PSRC1: variants seen among roughly 807,000 people sequenced by gnomAD.
PSRC1 encodes the protein proline and serine rich coiled-coil 1.
In PSRC1, 30 loss-of-function variants were observed where a neutral mutation model predicts 31.9. The observed-to-expected ratio is 0.94, with a 90% CI of 0.70 to 1.28. The LOEUF is 1.28. Among genes scored for constraint, PSRC1 ranks in the 50% most tolerant of loss-of-function variants. The probability of loss-of-function intolerance (pLI) is 0.00; values close to 1 mark genes in which losing one functional copy is unlikely to be tolerated. For missense variants in PSRC1, 481 were observed against 472.8 expected, an observed-to-expected ratio of 1.02 and a Z score of -0.16; for synonymous variants, 191 against 192.1, an observed-to-expected ratio of 0.99 and a Z score of 0.05.
At chr1:109,280,135 C>G (rs758620142) in exon 7 of PSRC1, 1 of 1,614,116 alleles carries the variant, frequency 6.2e-7, no homozygotes, top group South Asian at 1.1e-5. Flanking sequence ...TGAAGTCTTG[C>G]TTGCTGTCCT....
At chr1:109,280,943 T>C (rs1436765922) in exon 5 of PSRC1, 1 of 1,613,758 alleles carries the variant, frequency 6.2e-7, no homozygotes, top group Non-Finnish European at 8.5e-7. Flanking sequence ...GAATGGGCAG[T>C]TGACTGGAAG....
In PSRC1 at chr1:109,280,758, C is replaced by T. The variant is rs573223784; in HGVS notation, c.994+19G>A. On this transcript the variant is annotated intron_variant, in intron 5 of 6. Transcript: ENST00000409138. ...GACACGCTGGGCAAGGGCGGGCATT[C>T]TTCCTCCTGACCTCTTACCCTTGTG... 2 of 1,538,732 alleles carry T rather than the reference C, an allele frequency of 1.3e-6. No homozygotes were observed. Among genetic ancestry groups the T allele is most frequent in the South Asian group, 2.5e-5 (2 of 80,980 alleles).
chr1:109,281,130 T>A lies in PSRC1; in HGVS notation c.641A>T (p.Glu214Val). The change falls in exon 5 of 7, where the codon GAG becomes GTG. Residue 214 changes from glutamate to valine, a missense_variant. Glu to Val is a moderately radical substitution (Grantham distance 121, BLOSUM62 -2). Transcript: ENST00000409138. ...CACCCGCAACTTGGCTGCTCTGGTCTCCTCACTGGCTGCTGCTCTCCCACT... is the reference window on the plus strand; with the variant it reads ...CACCCGCAACTTGGCTGCTCTGGTCACCTCACTGGCTGCTGCTCTCCCACT... 6.2e-7 allele frequency: 1 copy of A among 1,613,388 alleles called. No homozygotes were observed. Among genetic ancestry groups the A allele is most frequent in the East Asian group, 2.2e-5 (1 of 44,870 alleles).
rs1657195842 is a variant in PSRC1, at chr1:109,281,870, G to A, written c.268C>T (p.Gln90Ter). Residue 90 changes from glutamine to a stop codon, truncating the protein, a stop_gained, in exon 4 of 7, where the codon CAG (glutamine) becomes TAG (stop). Coordinates refer to ENST00000409138, the Ensembl canonical transcript of PSRC1. LOFTEE classifies it high-confidence loss of function. ...CTCTCCCGATCCTGCAGGGCACACT[G>A]CTCCAGCTGAGCGGCCAGCCGGTTG... 1.9e-6 allele frequency: 3 copies of A among 1,612,898 alleles called. No homozygotes were observed. The highest frequency in any genetic ancestry group is 1.1e-5 in the South Asian group (1 of 91,060).
At chr1:109,280,479 G>A in exon 6 of PSRC1, 1 of 1,612,460 alleles carries the variant, frequency 6.2e-7, no homozygotes, top group Non-Finnish European at 8.5e-7. Context: ...TTAGTCGCTG[G>A]GAAACAGGAA....
At chr1:109,282,283 A>T in intron 3 of PSRC1, 1 of 610,720 alleles carries the variant, frequency 1.6e-6, no homozygotes, top group Non-Finnish European at 2.9e-6. Context: ...GCCAGGATGG[A>T]GATGCAGCAA....
intron 4 of PSRC1, 158 bp from the exon 5 acceptor site, chr1:109,281,409 A>G (rs1657092511): frequency 2.7e-6 from 2 of 740,480 alleles, no homozygotes; most frequent in Admixed American, 5.8e-5. Flanking sequence ...CACCATCACT[A>G]TTGCCAATAC....
exon 7 of PSRC1, chr1:109,279,849 G>A (rs1284636021): frequency 4.3e-6 from 2 of 467,732 alleles, no homozygotes; most frequent in Admixed American, 3.4e-5. Context: ...CACAACAGTG[G>A]GGGTGGATAA....
At position 109,281,961 on chromosome 1, in the gene PSRC1, G is replaced by C. The variant is rs116642553; in HGVS notation, c.177C>G (p.Pro59=). 8.4e-6 allele frequency: 13 copies of C among 1,541,582 alleles called. No individual in the cohort carries two copies. In the African/African-American group the frequency reaches 1.5e-4, roughly 18 times the overall value. The change falls in exon 4 of 7, where the codon CCC becomes CCG. Residue 59 remains proline (P), a synonymous_variant. Coordinates refer to ENST00000409138, the Ensembl canonical transcript of PSRC1. The stretch of plus-strand genomic sequence containing the variant: ...GGCCTAGGCTGAGCCTCACACCCTG[G>C]GGGGCAGGTGCCACTGCATTTGGGT...
exon 5 of PSRC1, chr1:109,281,075 G>T (rs1657011092): frequency 6.2e-7 from 1 of 1,613,354 alleles, no homozygotes; most frequent in Non-Finnish European, 8.5e-7. Flanking sequence ...GAAATTTCAG[G>T]GTCAATCCCA....
Position 109,280,385 on chromosome 1 carries a change from AC to A in PSRC1, c.1088+10del. 6.3e-7 allele frequency: 1 copy of A among 1,597,004 alleles called. No individual in the cohort carries two copies. Among genetic ancestry groups the A allele is most frequent in the African/African-American group, 1.3e-5 (1 of 74,594 alleles). ...AGGGAGACAGGATGGGCAAGGGAGG[AC>A]CAGACTGACCTGGTAGGTCCTGGGA... On this transcript the variant is annotated intron_variant, in intron 6 of 6. Transcript: ENST00000409138.
exon 3 of PSRC1, chr1:109,282,519 T>A: frequency 4.3e-6 from 7 of 1,613,408 alleles, no homozygotes; most frequent in Non-Finnish European, 5.9e-6. Context: ...GGCTGGTACC[T>A]GTCAGATGGT....
chr1:109,282,930 A>T, intron 1 of PSRC1, 133 bp downstream of exon 1: 1 of 609,528 alleles, frequency 1.6e-6, no homozygotes, highest in Non-Finnish European at 2.9e-6. Context: ...ATTGCCCTGG[A>T]GCCGCCCTGC....
chr1:109,282,327 C>A (rs886768001), intron 3 of PSRC1, 191 bp downstream of exon 3: 14 of 624,162 alleles, frequency 2.2e-5, no homozygotes, highest in Non-Finnish European at 3.7e-5. Context: ...ACCCTGAAAT[C>A]TAACTCCAGC....
At chr1:109,281,653 G>T (rs752987365) in exon 4 of PSRC1, 2 of 1,613,830 alleles carry the variant, frequency 1.2e-6, no homozygotes, top group Non-Finnish European at 8.5e-7. Flanking sequence ...TCCAGATGTA[G>T]CCCGGAGAGC....
chr1:109,281,904 G>A (rs560827943), exon 4 of PSRC1: 141 of 1,610,142 alleles, frequency 8.8e-5, no homozygotes, highest in Non-Finnish European at 1.1e-4. Context: ...TGGCCTCATC[G>A]AGGATCTCCT....
chr1:109,282,171 C>A (rs1657269970), intron 3 of PSRC1, 111 bp from the exon 4 acceptor site: 1 of 1,002,692 alleles, frequency 1.0e-6, no homozygotes. Flanking sequence ...GACCCTAGGC[C>A]CCGATGCCCA....
exon 5 of PSRC1, chr1:109,281,083 C>T: frequency 6.2e-7 from 1 of 1,613,284 alleles, no homozygotes; most frequent in Non-Finnish European, 8.5e-7. Context: ...AGGGTCAATC[C>T]CACAAACTCC....
At chr1:109,282,187 G>C in intron 3 of PSRC1, 127 bp from the exon 4 acceptor site, 1 of 864,026 alleles carries the variant, frequency 1.2e-6, no homozygotes, top group African/African-American at 1.7e-5. Context: ...GCCCATGCTG[G>C]CTGTGAGATG....
Sources: allele counts gnomAD v4.1 joint callset, GRCh38; gene constraint gnomAD v4.1.1; transcripts MANE v1.5; gene names NCBI Gene and HGNC (gene_info 2026-07-23, HGNC 2026-07-21).